Variants in MAML2 observed in about 807,000 individuals in gnomAD.
The protein encoded by MAML2 is mastermind like transcriptional coactivator 2.
A neutral mutation model predicts 96.1 loss-of-function variants in MAML2; 22 were observed. The observed-to-expected ratio is 0.23, with a 90% CI of 0.16 to 0.33. The LOEUF (loss-of-function observed/expected upper bound fraction) is 0.33. MAML2 is among the 10% of genes least tolerant of loss of function. MAML2 has a pLI of 1.00. For synonymous variants in MAML2, 561 were observed against 521.3 expected (o/e 1.08, Z -1.04); for missense variants, 1,367 against 1,392.4 (o/e 0.98, Z 0.29).
At chr11:96,258,856 G>C (rs1862707937) in intron 1 of MAML2, among the ~76,000 whole-genome samples, 1 of 152,066 alleles carries the variant, frequency 6.6e-6, no homozygotes, top group African/African-American at 2.4e-5. Context: ...TATTTATTTG[G>C]TTAAAATACA....
chr11:96,088,794 G>C (rs1859658935), intron 2 of MAML2, among the ~76,000 whole-genome samples: 1 of 152,084 alleles, frequency 6.6e-6, no homozygotes, highest in South Asian at 2.1e-4. Context: ...AATAGAGGTA[G>C]GTACACAGTA....
intron 1 of MAML2, among the ~76,000 whole-genome samples, chr11:96,321,575 G>A (rs1043412381): frequency 2.6e-5 from 4 of 152,188 alleles, no homozygotes; most frequent in Non-Finnish European, 5.9e-5. Flanking sequence ...CTTGGCGTTT[G>A]GGATATTATT....
At chr11:96,261,650 A>G (rs1862752620) in intron 1 of MAML2, among the ~76,000 whole-genome samples, 1 of 152,264 alleles carries the variant, frequency 6.6e-6, no homozygotes, top group African/African-American at 2.4e-5. Flanking sequence ...GGAACACAAC[A>G]TAATGAATGG....
chr11:96,280,511 A>G (rs1378891739), intron 1 of MAML2, among the ~76,000 whole-genome samples: 1 of 151,660 alleles, frequency 6.6e-6, no homozygotes, highest in Non-Finnish European at 1.5e-5. Flanking sequence ...CCATTTTTGT[A>G]TTTTTTCCTG....
intron 1 of MAML2, among the ~76,000 whole-genome samples, chr11:96,162,463 T>C (rs879445780): frequency 5.3e-5 from 8 of 151,894 alleles, no homozygotes; most frequent in Non-Finnish European, 1.2e-4. Flanking sequence ...CCTGTAATCC[T>C]AGCACTTTGG....
chr11:96,302,711 GTTCTTGTAACGAA>G (rs751193709), intron 1 of MAML2, among the ~76,000 whole-genome samples: 1 of 152,150 alleles, frequency 6.6e-6, no homozygotes, highest in Non-Finnish European at 1.5e-5. Context: ...GAAACCCCAA[GTTCTTGTAACGAA>G]TTACTCTCTT....
At chr11:96,297,935 T>C (rs1234598891) in intron 1 of MAML2, among the ~76,000 whole-genome samples, 1 of 152,194 alleles carries the variant, frequency 6.6e-6, no homozygotes, top group Non-Finnish European at 1.5e-5. Context: ...AATTCAAATT[T>C]ACCAGGCCAC....
At chr11:96,127,802 C>G (rs1026224619) in intron 1 of MAML2, among the ~76,000 whole-genome samples, 1 of 152,228 alleles carries the variant, frequency 6.6e-6, no homozygotes, top group Non-Finnish European at 1.5e-5. Flanking sequence ...TCAACCTAAA[C>G]TTCCTTTCTT....
chr11:96,035,854 G>A lies in MAML2; in HGVS notation c.2140-44131C>T, dbSNP rs1469183215. On this transcript the variant is annotated intron_variant, in intron 2 of 4. Transcript: ENST00000524717. The stretch of plus-strand genomic sequence containing the variant: ...ATTCAAAATCAAAAGGCCTCCATTC[G>A]AGTCCTAGCTCCATGTGACCGTGGG... Among the ~76,000 whole-genome samples, 4 of 152,192 alleles carry A rather than the reference G, an allele frequency of 2.6e-5. No individual in the cohort carries two copies. In the East Asian group the frequency reaches 7.7e-4, roughly 29 times the overall value.
At chr11:96,155,252 G>A (rs1860991628) in intron 1 of MAML2, among the ~76,000 whole-genome samples, 1 of 151,852 alleles carries the variant, frequency 6.6e-6, no homozygotes, top group South Asian at 2.1e-4. Flanking sequence ...TTCAAGAAAG[G>A]ATAGTATCCA....
At position 96,172,473 on chromosome 11, in the gene MAML2, C is replaced by T. The variant is rs1370323670; in HGVS notation, c.514-78956G>A. 2.6e-5 allele frequency among the ~76,000 whole-genome samples: 4 copies of T among 152,318 alleles called. No individual in the cohort carries two copies. In the East Asian group the frequency reaches 7.7e-4, roughly 29 times the overall value. On this transcript the variant is annotated intron_variant, in intron 1 of 4. Coordinates refer to ENST00000524717, the MANE Select transcript of MAML2 (RefSeq NM_032427.4). ...GTAAGTTATAGCAGCAAGAGAACAG[C>T]TTCTTTTCTCAAATTGGTTTCTGTT...
chr11:96,215,274 C>T (rs1004347471), intron 1 of MAML2, among the ~76,000 whole-genome samples: 6 of 152,196 alleles, frequency 3.9e-5, no homozygotes, highest in South Asian at 2.1e-4. Flanking sequence ...GGGCAGGTTG[C>T]TGGGTTCACA....
At chr11:96,297,000 C>G (rs1287206558) in intron 1 of MAML2, among the ~76,000 whole-genome samples, 1 of 152,240 alleles carries the variant, frequency 6.6e-6, no homozygotes, top group Non-Finnish European at 1.5e-5. Context: ...TTGTCAGGCT[C>G]TTCTGTAACT....
chr11:96,247,916 C>T (rs1862532292), intron 1 of MAML2, among the ~76,000 whole-genome samples: 1 of 152,064 alleles, frequency 6.6e-6, no homozygotes, highest in South Asian at 2.1e-4. Context: ...CCCACCTTCA[C>T]CAATATGATA....
chr11:96,121,818 G>A (rs1489671248), intron 1 of MAML2, among the ~76,000 whole-genome samples: 11 of 25,264 alleles, frequency 4.4e-4, no homozygotes, highest in African/African-American at 1.5e-3. Context: ...ACGGAGTCTT[G>A]CTCTGTCACC....
At position 96,341,452 on chromosome 11, in the gene MAML2, A is replaced by G. The variant is rs1466171640; in HGVS notation, c.444T>C (p.Gly148=). The G allele has an allele frequency of 6.4e-7, 1 of 1,550,582 alleles. No homozygotes were observed. The highest frequency in any genetic ancestry group is 1.4e-5 in the African/African-American group (1 of 72,908). ...GCGGCTGCTGCTCTCCGTTTATCCC[A>G]CCACTGCCACCATTATTGCTACTGT... ...LLNSSNNGGS[G]GINGEQQPPA... Residue 148 remains glycine, a synonymous_variant, in exon 1 of 5, where the codon GGT becomes GGC. Coordinates refer to ENST00000524717, the MANE Select transcript of MAML2 (RefSeq NM_032427.4).
At chr11:96,113,983 T>C (rs1279227337) in intron 1 of MAML2, among the ~76,000 whole-genome samples, 8 of 151,896 alleles carry the variant, frequency 5.3e-5, no homozygotes, top group African/African-American at 1.7e-4. Flanking sequence ...AGCCCCGCTC[T>C]AGGAAACTGA....
At chr11:96,118,439 C>T (rs1860280592) in intron 1 of MAML2, among the ~76,000 whole-genome samples, 1 of 152,188 alleles carries the variant, frequency 6.6e-6, no homozygotes, top group Admixed American at 6.5e-5. Context: ...ACGTGCCTTG[C>T]TTCCATTCAT....
At chr11:95,984,964 C>G (rs1254007793) in intron 4 of MAML2, among the ~76,000 whole-genome samples, 1 of 152,258 alleles carries the variant, frequency 6.6e-6, no homozygotes, top group East Asian at 1.9e-4. Flanking sequence ...ATTTGGGGGA[C>G]TTTTGTACTT....
Sources: gnomAD v4.1 joint callset for allele counts (sites outside exome capture counted in the v4.1 genomes callset) on GRCh38, gnomAD v4.1.1 for gene constraint, MANE v1.5 for transcripts, NCBI Gene and HGNC (gene_info 2026-07-23, HGNC 2026-07-21) for gene names.